Variants in PTPRK observed in about 807,000 individuals in gnomAD.
The protein encoded by PTPRK is receptor-type tyrosine-protein phosphatase kappa.
PTPRK carries 75 observed loss-of-function variants against 178.0 expected under a neutral mutation model. The ratio of observed to expected loss-of-function variants is 0.42; its 90% CI spans 0.35 to 0.51. The LOEUF is 0.51. PTPRK is among the 20% of genes least tolerant of loss of function. The probability of loss-of-function intolerance (pLI) is 0.02; values close to 1 mark genes in which losing one functional copy is unlikely to be tolerated. For synonymous variants in PTPRK, 637 were observed against 620.6 expected, an observed-to-expected ratio of 1.03 and a Z score of -0.39; for missense variants, 1,441 against 1,797.8, an observed-to-expected ratio of 0.80 and a Z score of 3.59.
At chr6:127,983,926 C>T (rs146984113) in intron 22 of PTPRK, among the ~76,000 whole-genome samples, 4 of 145,148 alleles carry the variant, frequency 2.8e-5, no homozygotes, top group South Asian at 2.2e-4. Flanking sequence ...AAGAGAATGA[C>T]GGTTATCAAA....
intron 1 of PTPRK, among the ~76,000 whole-genome samples, chr6:128,492,872 C>T (rs1023358789): frequency 1.3e-5 from 2 of 152,218 alleles, no homozygotes; most frequent in African/African-American, 2.4e-5. Flanking sequence ...CAAGCCTAGA[C>T]CTGCTTTCTC....
At position 128,091,694 on chromosome 6, in the gene PTPRK, A is replaced by T. The variant is rs188297657; in HGVS notation, c.1163-1702T>A. On this transcript the variant is annotated intron_variant, in intron 7 of 29. Transcript: ENST00000368226. The stretch of plus-strand genomic sequence containing the variant: ...CAAATATTTAACCCGCTAATTCTTT[A>T]ATTTTTTATTTTTTTTAGGTCTAGC... Among the ~76,000 whole-genome samples, 784 of 151,928 alleles carry T rather than the reference A, an allele frequency of 5.2e-3. 5 individuals carry two copies. The highest frequency in any genetic ancestry group is 9.1e-3 in the Non-Finnish European group (621 of 68,012).
chr6:128,348,271 G>C (rs1832679693), intron 2 of PTPRK, among the ~76,000 whole-genome samples: 1 of 151,708 alleles, frequency 6.6e-6, no homozygotes, highest in South Asian at 2.1e-4. Flanking sequence ...ATTAAGCAAA[G>C]ACCCAAAATG....
At chr6:128,342,201 C>T (rs1035042683) in intron 2 of PTPRK, among the ~76,000 whole-genome samples, 24 of 151,106 alleles carry the variant, frequency 1.6e-4, no homozygotes, top group Admixed American at 9.2e-4. Flanking sequence ...TGCAGTGAGC[C>T]GAGATCTCAC....
intron 6 of PTPRK, among the ~76,000 whole-genome samples, chr6:128,205,620 C>T (rs369485144): frequency 3.3e-5 from 5 of 150,908 alleles, no homozygotes; most frequent in African/African-American, 1.2e-4. Context: ...TAAAAATACA[C>T]AAAAATTGGG....
At chr6:128,504,748 A>G (rs1308122587) in intron 1 of PTPRK, among the ~76,000 whole-genome samples, 6 of 152,196 alleles carry the variant, frequency 3.9e-5, no homozygotes, top group Admixed American at 1.3e-4. Flanking sequence ...ATTGAAAGCC[A>G]GAGCCTGAAT....
chr6:128,442,454 T>G (rs1846398400), intron 1 of PTPRK, among the ~76,000 whole-genome samples: 1 of 152,156 alleles, frequency 6.6e-6, no homozygotes, highest in South Asian at 2.1e-4. Flanking sequence ...AGGTAAACAT[T>G]TGCATGTTAT....
chr6:128,015,480 C>T (rs1370675849), intron 13 of PTPRK, among the ~76,000 whole-genome samples: 1 of 151,658 alleles, frequency 6.6e-6, no homozygotes, highest in East Asian at 1.9e-4. Context: ...AAGACCCAAT[C>T]TTGTTTTTTC....
intron 2 of PTPRK, among the ~76,000 whole-genome samples, chr6:128,373,505 A>T (rs1401827916): frequency 1.3e-5 from 2 of 152,210 alleles, no homozygotes; most frequent in East Asian, 3.8e-4. Flanking sequence ...GGGGTGTGGC[A>T]TTAATCCTTT....
chr6:128,351,304 G>A (rs1833096380), intron 2 of PTPRK, among the ~76,000 whole-genome samples: 1 of 152,192 alleles, frequency 6.6e-6, no homozygotes, highest in African/African-American at 2.4e-5. Flanking sequence ...AGAGAGGTTA[G>A]TGTGTACTAT....
At chr6:128,011,969 A>AG (rs1779109861) in intron 13 of PTPRK, among the ~76,000 whole-genome samples, 1 of 151,228 alleles carries the variant, frequency 6.6e-6, no homozygotes, top group African/African-American at 2.4e-5. Context: ...AATAAAGAAA[A>AG]AAAAGCCCAT....
Position 128,235,271 on chromosome 6 carries a change from A to G in PTPRK, c.693+4764T>C, listed in dbSNP as rs538867068. 5.9e-5 allele frequency: 9 copies of G among 152,262 alleles called. No individual in the cohort carries two copies. In the South Asian group the frequency reaches 1.8e-3, roughly 31 times the overall value. 9.4% of individuals were successfully genotyped at this position (152,262 alleles called of 1,614,324 possible). A position where few individuals can be genotyped will look rare whatever the true frequency, so the allele number is the denominator to read the frequency against. ...TTAAATATTTTCAATAATACTGAAA[A>G]TAAATAATTCAAAAAATTCAAAATT... is the stretch of plus-strand genomic sequence containing the variant. On this transcript the variant is annotated intron_variant, in intron 5 of 29. Coordinates refer to ENST00000368226, the MANE Select transcript of PTPRK (RefSeq NM_002844.4).
intron 3 of PTPRK, among the ~76,000 whole-genome samples, chr6:128,307,171 A>G (rs1826526810): frequency 6.7e-6 from 1 of 149,862 alleles, no homozygotes; most frequent in African/African-American, 2.4e-5. Context: ...ATATATATAT[A>G]TATATATGGA....
chr6:128,238,622 T>C lies in PTPRK; in HGVS notation c.693+1413A>G, dbSNP rs75692831. On this transcript the variant is annotated intron_variant, in intron 5 of 29. Coordinates refer to ENST00000368226, the MANE Select transcript of PTPRK (RefSeq NM_002844.4). ...TCACTAGCAAAACGATTAGAACATA[T>C]ATCTAAAATCATTTTTAAACTATTA... Among the ~76,000 whole-genome samples the C allele has an allele frequency of 2.1e-3, 316 of 152,290 alleles. 1 individual carries two copies. The highest frequency in any genetic ancestry group is 7.2e-3 in the African/African-American group (299 of 41,570).
chr6:128,264,234 C>T (rs1404858572), intron 3 of PTPRK, among the ~76,000 whole-genome samples: 1 of 152,064 alleles, frequency 6.6e-6, no homozygotes, highest in African/African-American at 2.4e-5. Flanking sequence ...GTACTAAGCA[C>T]CCACTGCTAA....
intron 1 of PTPRK, among the ~76,000 whole-genome samples, chr6:128,421,766 A>G (rs1843510339): frequency 6.6e-6 from 1 of 152,260 alleles, no homozygotes; most frequent in African/African-American, 2.4e-5. Context: ...TGGAATTATC[A>G]TGAAATAATA....
chr6:128,493,298 C>T (rs1854110257), intron 1 of PTPRK, among the ~76,000 whole-genome samples: 1 of 152,168 alleles, frequency 6.6e-6, no homozygotes, highest in Non-Finnish European at 1.5e-5. Flanking sequence ...CGCGGTGGCT[C>T]ACGCCTGCAA....
chr6:128,192,586 G>A (rs1023874959), intron 6 of PTPRK, among the ~76,000 whole-genome samples: 8 of 152,082 alleles, frequency 5.3e-5, no homozygotes, highest in Non-Finnish European at 1.0e-4. Flanking sequence ...TTAGGAGGCT[G>A]AGGAAGGCAA....
intron 6 of PTPRK, among the ~76,000 whole-genome samples, chr6:128,211,043 G>C (rs770116221): frequency 6.6e-6 from 1 of 152,040 alleles, no homozygotes; most frequent in Non-Finnish European, 1.5e-5. Flanking sequence ...CCTATAACAA[G>C]GATAAATTAT....
Sources: allele counts gnomAD v4.1 joint callset (sites outside exome capture counted in the v4.1 genomes callset), GRCh38; gene constraint gnomAD v4.1.1; transcripts MANE v1.5; gene names NCBI Gene and HGNC (gene_info 2026-07-23, HGNC 2026-07-21).